The following ESRP1 variants were observed in gnomAD, a reference collection of about 807,000 sequenced individuals.
ESRP1 encodes the protein epithelial splicing regulatory protein 1.
ESRP1 carries 33 observed loss-of-function variants against 81.7 expected under a neutral mutation model. That is an observed-to-expected ratio of 0.40 (90% CI 0.31 to 0.54). ESRP1 has a LOEUF of 0.54. Among genes scored for constraint, ESRP1 ranks in the 20% least tolerant of loss-of-function variants. ESRP1 has a pLI of 0.41. For missense variants in ESRP1, 672 were observed against 833.1 expected, an observed-to-expected ratio of 0.81 and a Z score of 2.38; for synonymous variants, 320 against 303.3, an observed-to-expected ratio of 1.06 and a Z score of -0.57.
chr8:94,668,229 C>T lies in ESRP1; in HGVS notation c.1212C>T (p.Ser404=), dbSNP rs77276626. Residue 404 remains serine, a synonymous_variant, in exon 10 of 16, where the codon AGC becomes AGT. Transcript: ENST00000433389. The part of the protein sequence containing the change: ...LGKRYIELFR[S]TAAEVQQVLN... ...AAAGATACATTGAACTCTTCAGGAG[C>T]ACAGCAGCTGAAGTTCAGCAGGTTG... 4,110 of 1,591,560 alleles carry T rather than the reference C, an allele frequency of 2.6e-3. 36 individuals are homozygous for T. In the African/African-American group the frequency reaches 0.026, roughly 10 times the overall value.
chr8:94,679,722 T>C (rs749566874), intron 13 of ESRP1, among the ~76,000 whole-genome samples: 7 of 151,796 alleles, frequency 4.6e-5, no homozygotes, highest in Non-Finnish European at 1.0e-4. Context: ...AGTATAGGAG[T>C]GTAGTGAGTA....
At chr8:94,643,460 G>A (rs1205507598) in intron 3 of ESRP1, 44 bp downstream of exon 3, 16 of 1,322,090 alleles carry the variant, frequency 1.2e-5, no homozygotes, top group Non-Finnish European at 1.7e-5. Context: ...GGAGCTTTGG[G>A]GTGACTGGAG....
intron 12 of ESRP1, 81 bp from the exon 13 acceptor site, chr8:94,678,122 C>G: frequency 1.4e-6 from 2 of 1,421,614 alleles, no homozygotes; most frequent in East Asian, 4.6e-5. Flanking sequence ...GTAGATGGAA[C>G]AGTGACTATG....
intron 15 of ESRP1, among the ~76,000 whole-genome samples, chr8:94,702,884 T>G (rs1809894595): frequency 6.6e-6 from 1 of 152,194 alleles, no homozygotes; most frequent in South Asian, 2.1e-4. Context: ...GGATTATAGG[T>G]TCATTCTGTA....
intron 9 of ESRP1, among the ~76,000 whole-genome samples, chr8:94,666,199 A>G (rs1447103722): frequency 6.6e-6 from 1 of 152,234 alleles, no homozygotes; most frequent in African/African-American, 2.4e-5. Context: ...ATTGCTACAT[A>G]GTATTATATG....
intron 4 of ESRP1, among the ~76,000 whole-genome samples, chr8:94,661,079 C>T (rs1371643878): frequency 6.6e-6 from 1 of 152,134 alleles, no homozygotes; most frequent in Non-Finnish European, 1.5e-5. Context: ...GTCTACCTCT[C>T]GCCCAGGCTG....
chr8:94,678,276 C>T lies in ESRP1; in HGVS notation c.1725C>T (p.Pro575=). 6.2e-7 allele frequency: 1 copy of T among 1,614,010 alleles called. No individual in the cohort carries two copies. Among genetic ancestry groups the T allele is most frequent in the Non-Finnish European group, 8.5e-7 (1 of 1,179,900 alleles). ...VIPTEAAIYQ[P]SVILNPRALQ... ...CTACAGAAGCTGCCATTTACCAGCC[C>T]TCTGTGATTTTGAATCCACGAGCAC... Residue 575 remains proline (P), a synonymous_variant, in exon 13 of 16, where the codon CCC becomes CCT. Transcript: ENST00000433389.
At chr8:94,678,010 G>A (rs1001922790) in intron 12 of ESRP1, among the ~76,000 whole-genome samples, 193 bp from the exon 13 acceptor site, 1 of 152,300 alleles carries the variant, frequency 6.6e-6, no homozygotes, top group South Asian at 2.1e-4. Flanking sequence ...TGTTTTTTAG[G>A]TTGACAGGGT....
intron 13 of ESRP1, among the ~76,000 whole-genome samples, chr8:94,690,379 C>T (rs1474473218): frequency 6.9e-6 from 1 of 145,074 alleles, no homozygotes; most frequent in Non-Finnish European, 1.5e-5. Flanking sequence ...GTGATCTCCC[C>T]ACTTTGGCCT....
In ESRP1 at chr8:94,643,320, C is replaced by G; in HGVS notation, c.279C>G (p.Ser93Arg). ...QALRQFNQSV[S>R]NELNIGVGTS... Reference sequence around the variant, plus strand: ...TCTTGCAGTTTAACCAGTCAGTGAGCAATGAACTGAATATTGGAGTAGGGA... The same window carrying G: ...TCTTGCAGTTTAACCAGTCAGTGAGGAATGAACTGAATATTGGAGTAGGGA... The change falls in exon 3 of 16, where the codon AGC becomes AGG. Residue 93 changes from serine (S) to arginine (R), a missense_variant. Transcript: ENST00000433389. 3.7e-6 allele frequency: 6 copies of G among 1,610,590 alleles called. No individual in the cohort carries two copies. The highest frequency in any genetic ancestry group is 5.1e-6 in the Non-Finnish European group (6 of 1,176,826).
chr8:94,654,911 T>C (rs1818319176), intron 4 of ESRP1, among the ~76,000 whole-genome samples: 1 of 143,218 alleles, frequency 7.0e-6, no homozygotes, highest in South Asian at 2.2e-4. Flanking sequence ...AGCCTGAAGA[T>C]CCTGCCTCAA....
At chr8:94,676,143 G>C (rs1322421238) in intron 12 of ESRP1, among the ~76,000 whole-genome samples, 3 of 152,100 alleles carry the variant, frequency 2.0e-5, no homozygotes, top group Non-Finnish European at 4.4e-5. Flanking sequence ...GGAGGCTGAG[G>C]CAGGTGGATC....
At position 94,706,305 on chromosome 8, in the gene ESRP1, T is replaced by C. The variant is rs15726; in HGVS notation, c.*416T>C. 132,853 of 198,972 alleles carry C rather than the reference T, an allele frequency of 0.67. 46,357 individuals are homozygous for C. The highest frequency in any genetic ancestry group is 0.91 in the African/African-American group (39,295 of 43,278). 12.3% of individuals were successfully genotyped at this position (198,972 alleles called of 1,614,324 possible). A position where few individuals can be genotyped will look rare whatever the true frequency, so the allele number is the denominator to read the frequency against. On this transcript the variant is annotated 3_prime_UTR_variant, in exon 16 of 16. Coordinates refer to ENST00000433389, the MANE Select transcript of ESRP1 (RefSeq NM_017697.4). ...AACTCTGTTAAGGAAGCTTCATTTT[T>C]GTATATTCCCGCTCTTTTCTCTTCA...
At chr8:94,692,591 C>T in intron 13 of ESRP1, 86 bp from the exon 14 acceptor site, 1 of 1,435,356 alleles carries the variant, frequency 7.0e-7, no homozygotes, top group South Asian at 1.4e-5. Context: ...TTGAGAAATT[C>T]TGTTTCCTTA....
intron 13 of ESRP1, among the ~76,000 whole-genome samples, chr8:94,681,121 A>T (rs548140486): frequency 6.6e-6 from 1 of 151,300 alleles, no homozygotes; most frequent in African/African-American, 2.4e-5. Context: ...GTCAGGAGAT[A>T]GAGACCATCC....
chr8:94,687,030 A>T (rs963443499), intron 13 of ESRP1, among the ~76,000 whole-genome samples: 1 of 152,210 alleles, frequency 6.6e-6, no homozygotes, highest in Non-Finnish European at 1.5e-5. Context: ...AAAATTTACA[A>T]TTGTAGAATA....
Position 94,684,376 on chromosome 8 carries a change from G to A in ESRP1, c.1820+6005G>A, listed in dbSNP as rs528902983. ...ATCCAGCGTCCAGAGGTAGTCATCAGTCCATAGACTGCTGTAGTTATTAAA... is the reference window on the plus strand; with the variant it reads ...ATCCAGCGTCCAGAGGTAGTCATCAATCCATAGACTGCTGTAGTTATTAAA... On this transcript the variant is annotated intron_variant, in intron 13 of 15. Coordinates refer to ENST00000433389, the MANE Select transcript of ESRP1 (RefSeq NM_017697.4). Among the ~76,000 whole-genome samples the A allele has an allele frequency of 2.6e-5, 4 of 152,320 alleles. No homozygotes were observed. In the South Asian group the frequency reaches 8.3e-4, roughly 32 times the overall value.
At chr8:94,697,296 A>ACT (rs1024437476) in intron 15 of ESRP1, among the ~76,000 whole-genome samples, 4 of 152,208 alleles carry the variant, frequency 2.6e-5, no homozygotes, top group African/African-American at 9.6e-5. Context: ...ACCATTTTAA[A>ACT]CTCATTTACA....
chr8:94,665,651 C>T (rs1034289621), intron 9 of ESRP1, among the ~76,000 whole-genome samples: 1 of 152,060 alleles, frequency 6.6e-6, no homozygotes, highest in Admixed American at 6.6e-5. Context: ...GCCACCATGC[C>T]TGGCTAACTT....
Sources: gnomAD v4.1 joint callset for allele counts (sites outside exome capture counted in the v4.1 genomes callset) on GRCh38, gnomAD v4.1.1 for gene constraint, MANE v1.5 for transcripts, NCBI Gene and HGNC (gene_info 2026-07-23, HGNC 2026-07-21) for gene names.